PPFIA2: variants seen among roughly 807,000 people sequenced by gnomAD.
The protein encoded by PPFIA2 is liprin-alpha-2.
Under a neutral mutation model 175.5 loss-of-function variants are expected in PPFIA2, and 46 were observed. That is an observed-to-expected ratio of 0.26 (90% CI 0.21 to 0.34). PPFIA2 has a LOEUF of 0.34. Among genes scored for constraint, PPFIA2 ranks in the 10% least tolerant of loss-of-function variants. The pLI is 1.00. For missense variants in PPFIA2, 1,179 were observed against 1,506.1 expected, an observed-to-expected ratio of 0.78 and a Z score of 3.60; for synonymous variants, 568 against 511.4, an observed-to-expected ratio of 1.11 and a Z score of -1.49.
chr12:81,586,002 T>C (rs2075258386), intron 4 of PPFIA2, among the ~76,000 whole-genome samples: 1 of 151,892 alleles, frequency 6.6e-6, no homozygotes, highest in Admixed American at 6.6e-5. Flanking sequence ...CACTTTGTGA[T>C]AGAAATTTTT....
chr12:81,352,276 C>A (rs1439431772), intron 17 of PPFIA2, among the ~76,000 whole-genome samples: 1 of 151,602 alleles, frequency 6.6e-6, no homozygotes, highest in African/African-American at 2.4e-5. Flanking sequence ...GCTCTTCTGA[C>A]AAGTTCAAGA....
At chr12:81,421,528 A>G (rs545826914) in intron 7 of PPFIA2, among the ~76,000 whole-genome samples, 4 of 152,120 alleles carry the variant, frequency 2.6e-5, no homozygotes, top group African/African-American at 4.8e-5. Context: ...TAAAATTCCC[A>G]CAATATACAT....
chr12:81,461,998 T>C (rs945063792), intron 4 of PPFIA2, among the ~76,000 whole-genome samples: 4 of 151,844 alleles, frequency 2.6e-5, no homozygotes, highest in African/African-American at 9.7e-5. Flanking sequence ...CCTGGAAAAT[T>C]AAGTAAACAG....
rs2059456550 is a variant in PPFIA2 at position 81,598,254 on chromosome 12, T to C, written c.303+78537A>G. On this transcript the variant is annotated intron_variant, in intron 4 of 32. Coordinates refer to ENST00000549396, the MANE Select transcript of PPFIA2 (RefSeq NM_003625.5). ...CACCGACCTTTTGTGAAGCTAGTTC[T>C]CTAGAACATACAATGTTTTTTAAAA... 9 of 1,308,390 alleles carry C rather than the reference T, an allele frequency of 6.9e-6. No individual in the cohort carries two copies. In the South Asian group the frequency reaches 1.3e-4, roughly 19 times the overall value. 81.0% of individuals were successfully genotyped at this position (1,308,390 alleles called of 1,614,324 possible). A position where few individuals can be genotyped will look rare whatever the true frequency, so the allele number is the denominator to read the frequency against.
At chr12:81,318,676 C>T (rs2052967987) in intron 22 of PPFIA2, among the ~76,000 whole-genome samples, 1 of 151,732 alleles carries the variant, frequency 6.6e-6, no homozygotes, top group South Asian at 2.1e-4. Flanking sequence ...TAGTCATCAT[C>T]AATTCATTTG....
rs60223370 is a variant in PPFIA2, at chr12:81,642,745, G to C, written c.303+34046C>G. On this transcript the variant is annotated intron_variant, in intron 4 of 32. Transcript: ENST00000549396. The stretch of plus-strand genomic sequence containing the variant: ...TATACATACATGTATATGTATGTAT[G>C]TATTATATACATACATGTATATGTA... 2.3e-4 allele frequency among the ~76,000 whole-genome samples: 2 copies of C among 8,682 alleles called. 1 individual carries two copies. The highest frequency in any genetic ancestry group is 6.2e-4 in the Non-Finnish European group (2 of 3,210). 5.7% of individuals were successfully genotyped at this position (8,682 alleles called of 152,430 possible).
At chr12:81,466,030 T>G (rs967962568) in intron 4 of PPFIA2, among the ~76,000 whole-genome samples, 2 of 152,114 alleles carry the variant, frequency 1.3e-5, no homozygotes, top group East Asian at 1.9e-4. Flanking sequence ...TCATCCAAAA[T>G]TACTGTGCAA....
chr12:81,657,897 C>T (rs1379817626), intron 4 of PPFIA2, among the ~76,000 whole-genome samples: 1 of 152,082 alleles, frequency 6.6e-6, no homozygotes, highest in African/African-American at 2.4e-5. Flanking sequence ...CCCAAATTAC[C>T]ATGATTATTT....
Position 81,339,169 on chromosome 12 carries a change from T to A in PPFIA2, c.2548+11A>T. The stretch of plus-strand genomic sequence containing the variant: ...AGTGGCAGTGGAAAGTCTTAACACA[T>A]GCATACTTACGGAGCTGCCCAAGTC... On this transcript the variant is annotated intron_variant, in intron 21 of 32. Transcript: ENST00000549396. 1 of 1,576,034 alleles carries A rather than the reference T, an allele frequency of 6.3e-7. No individual in the cohort carries two copies. The highest frequency in any genetic ancestry group is 2.3e-5 in the East Asian group (1 of 42,872).
chr12:81,536,648 T>C (rs1021805437), intron 4 of PPFIA2, among the ~76,000 whole-genome samples: 21 of 148,990 alleles, frequency 1.4e-4, no homozygotes, highest in African/African-American at 3.9e-4. Flanking sequence ...GTAATAAATA[T>C]ATTTATTGAG....
chr12:81,583,859 TG>T (rs1231568716), intron 4 of PPFIA2, among the ~76,000 whole-genome samples: 2 of 151,956 alleles, frequency 1.3e-5, no homozygotes, highest in Non-Finnish European at 2.9e-5. Flanking sequence ...CCTCAGTTCA[TG>T]GCCCATTGGC....
intron 3 of PPFIA2, among the ~76,000 whole-genome samples, chr12:81,680,789 C>T (rs1364559343): frequency 1.3e-5 from 2 of 151,936 alleles, no homozygotes; most frequent in African/African-American, 2.4e-5. Flanking sequence ...ATCATTTGAC[C>T]CATCCAGTTC....
intron 4 of PPFIA2, among the ~76,000 whole-genome samples, chr12:81,483,942 T>C (rs1236546453): frequency 1.3e-5 from 2 of 151,988 alleles, no homozygotes; most frequent in African/African-American, 4.8e-5. Flanking sequence ...TGGTGACCGA[T>C]AAAAGTAAAT....
rs1593113709 is a variant in PPFIA2, at chr12:81,446,316, GT to G, written c.406-597del. On this transcript the variant is annotated intron_variant, in intron 5 of 32. Transcript: ENST00000549396. ...TTAAGGATACAGTTTTAAATTGCCT[GT>G]GTTAGAATCTATGATTTCCCAGAGT... Among the ~76,000 whole-genome samples the G allele has an allele frequency of 2.6e-5, 4 of 152,192 alleles. No individual in the cohort carries two copies. The East Asian group carries it at 7.7e-4, about 29-fold the overall frequency.
chr12:81,271,403 T>C (rs370728537), intron 28 of PPFIA2, among the ~76,000 whole-genome samples: 3 of 152,152 alleles, frequency 2.0e-5, no homozygotes, highest in East Asian at 1.9e-4. Flanking sequence ...CCCAAGTAGC[T>C]GGGACTACAG....
At chr12:81,391,499 T>A (rs761413023) in intron 8 of PPFIA2, among the ~76,000 whole-genome samples, 2 of 151,962 alleles carry the variant, frequency 1.3e-5, no homozygotes, top group African/African-American at 2.4e-5. Context: ...TCAAAGTTGT[T>A]TGAACAGGGA....
chr12:81,758,691 G>A (rs2085066033), intron 1 of PPFIA2, 184 bp from the exon 2 acceptor site: 1 of 256,304 alleles, frequency 3.9e-6, no homozygotes, highest in Non-Finnish European at 8.1e-6. Flanking sequence ...AGCAAAGCTC[G>A]GTTCAGACCA....
At chr12:81,609,064 T>C (rs768188955) in intron 4 of PPFIA2, among the ~76,000 whole-genome samples, 30 of 151,192 alleles carry the variant, frequency 2.0e-4, no homozygotes, top group Admixed American at 6.6e-4. Context: ...GAGTAAATTG[T>C]TTAATTTTCA....
chr12:81,327,615 C>T (rs1055225911), intron 21 of PPFIA2, among the ~76,000 whole-genome samples: 1 of 151,978 alleles, frequency 6.6e-6, no homozygotes, highest in African/African-American at 2.4e-5. Context: ...ATGAGGCAGA[C>T]ATATTCAATA....
Sources: allele counts gnomAD v4.1 joint callset (sites outside exome capture counted in the v4.1 genomes callset), GRCh38; gene constraint gnomAD v4.1.1; transcripts MANE v1.5; gene names NCBI Gene and HGNC (gene_info 2026-07-23, HGNC 2026-07-21).